ATP13A5: variants seen among roughly 807,000 people sequenced by gnomAD.
ATP13A5 encodes probable cation-transporting ATPase 13A5.
In ATP13A5, 149 loss-of-function variants were observed where a neutral mutation model predicts 150.2. That is an observed-to-expected ratio of 0.99 (90% CI 0.87 to 1.14). ATP13A5 has a LOEUF of 1.14. ATP13A5 is among the 50% of genes most tolerant of loss of function. The pLI is 0.00. For synonymous variants in ATP13A5, 497 were observed against 522.2 expected (o/e 0.95, Z 0.66); for missense variants, 1,383 against 1,449.3 (o/e 0.95, Z 0.74).
intron 9 of ATP13A5, among the ~76,000 whole-genome samples, chr3:193,343,515 A>C (rs902156587): frequency 2.0e-5 from 3 of 152,190 alleles, no homozygotes; most frequent in Admixed American, 6.5e-5. Context: ...GCAGGGTTGG[A>C]TAAAACCTCT....
intron 5 of ATP13A5, among the ~76,000 whole-genome samples, chr3:193,358,346 A>G (rs6777010): frequency 0.43 from 65,323 of 152,054 alleles, 14,898 homozygotes; most frequent in African/African-American, 0.6. Flanking sequence ...TTATAAAGGG[A>G]GGAAGACCTA....
At chr3:193,287,436 A>T (rs1717767257) in intron 26 of ATP13A5, among the ~76,000 whole-genome samples, 1 of 152,120 alleles carries the variant, frequency 6.6e-6, no homozygotes, top group Admixed American at 6.6e-5. Context: ...GCCAATGCTC[A>T]TTTGCTCTTC....
rs1297148934 is a variant in ATP13A5, at chr3:193,330,120, T to C, written c.1461+1003A>G. ...TGGGCCCCTTGTACCCCTGTGCTTG[T>C]CAGCTGCTCAGCTCTGAGCCTGGGG... On this transcript the variant is annotated intron_variant, in intron 12 of 29. Coordinates refer to ENST00000342358, the MANE Select transcript of ATP13A5 (RefSeq NM_198505.4). Among the ~76,000 whole-genome samples the C allele has an allele frequency of 2.0e-5, 3 of 152,162 alleles. No homozygotes were observed. The South Asian group carries it at 6.2e-4, about 32-fold the overall frequency.
At chr3:193,361,943 C>T (rs750375962) in intron 5 of ATP13A5, among the ~76,000 whole-genome samples, 1 of 152,164 alleles carries the variant, frequency 6.6e-6, no homozygotes, top group Non-Finnish European at 1.5e-5. Context: ...GTTCTAGGTA[C>T]TGCAGATATA....
At chr3:193,323,313 GAC>G in intron 14 of ATP13A5, 1 of 152,236 alleles carries the variant, frequency 6.6e-6, no homozygotes, top group African/African-American at 2.4e-5. Flanking sequence ...AGTCTAAAAG[GAC>G]AGTTTCCCTC....
At chr3:193,331,907 G>T (rs1302669700) in intron 11 of ATP13A5, among the ~76,000 whole-genome samples, 1 of 152,090 alleles carries the variant, frequency 6.6e-6, no homozygotes, top group East Asian at 1.9e-4. Flanking sequence ...TTTTCCCAAG[G>T]CCACATACTA....
In ATP13A5 at chr3:193,312,440, T is replaced by C. The variant is rs79037057; in HGVS notation, c.2320-499A>G. On this transcript the variant is annotated intron_variant, in intron 19 of 29. Coordinates refer to ENST00000342358, the MANE Select transcript of ATP13A5 (RefSeq NM_198505.4). ...TTATGACCCCACCTCAACAGGTATC[T>C]CTTTCTATCATGGTTCCCAGATTCT... 3.3e-3 allele frequency among the ~76,000 whole-genome samples: 500 copies of C among 152,290 alleles called. 3 individuals are homozygous for C. The highest frequency in any genetic ancestry group is 0.011 in the African/African-American group (458 of 41,574).
intron 7 of ATP13A5, among the ~76,000 whole-genome samples, chr3:193,349,766 C>T (rs940099622): frequency 3.9e-5 from 6 of 151,920 alleles, no homozygotes; most frequent in African/African-American, 1.5e-4. Flanking sequence ...ACTGATGAAT[C>T]CAGGGGAAAT....
At chr3:193,360,777 A>G (rs1712975724) in intron 5 of ATP13A5, among the ~76,000 whole-genome samples, 1 of 152,140 alleles carries the variant, frequency 6.6e-6, no homozygotes, top group African/African-American at 2.4e-5. Context: ...CCCGGGTCCA[A>G]GCAATTCTCC....
chr3:193,355,929 C>T (rs564771852), intron 5 of ATP13A5, among the ~76,000 whole-genome samples: 45 of 152,262 alleles, frequency 3.0e-4, no homozygotes, highest in Non-Finnish European at 5.3e-4. Flanking sequence ...ATCCGACAAT[C>T]AAGCTTAATG....
At chr3:193,292,923 G>A (rs1207566254) in intron 25 of ATP13A5, among the ~76,000 whole-genome samples, 1 of 152,110 alleles carries the variant, frequency 6.6e-6, no homozygotes, top group Non-Finnish European at 1.5e-5. Context: ...CTGTATACCT[G>A]ATTATAAATA....
At chr3:193,341,848 G>A (rs1300070829) in intron 9 of ATP13A5, among the ~76,000 whole-genome samples, 3 of 152,220 alleles carry the variant, frequency 2.0e-5, no homozygotes, top group Non-Finnish European at 2.9e-5. Flanking sequence ...ATAAGGCTAA[G>A]GAGAGCAGGA....
rs1717376556 is a variant in ATP13A5, at chr3:193,279,380, A to G, written c.3301T>C (p.Tyr1101His). The G allele has an allele frequency of 6.2e-7, 1 of 1,613,566 alleles. No individual in the cohort carries two copies. The highest frequency in any genetic ancestry group is 1.1e-5 in the South Asian group (1 of 91,078). The part of the protein sequence containing the change: ...FILFSDFQVI[Y>H]RGMELIPTIT... ...ATGCCACTTACCTCCATTCCACGGT[A>G]TATAACTTGAAAGTCAGAAAACAGA... is the stretch of plus-strand genomic sequence containing the variant. The change falls in exon 28 of 30, where the codon TAC becomes CAC. Residue 1101 changes from tyrosine to histidine, a missense_variant. Physicochemically the swap from Tyr to His is moderately conservative, Grantham distance 83. Coordinates refer to ENST00000342358, the MANE Select transcript of ATP13A5 (RefSeq NM_198505.4).
intron 5 of ATP13A5, among the ~76,000 whole-genome samples, chr3:193,359,935 G>A (rs929955142): frequency 6.6e-6 from 1 of 152,158 alleles, no homozygotes; most frequent in Non-Finnish European, 1.5e-5. Context: ...GAAGCAGGGT[G>A]GGTGGGCTGA....
chr3:193,352,896 C>T (rs377035493), intron 6 of ATP13A5, among the ~76,000 whole-genome samples: 1 of 151,916 alleles, frequency 6.6e-6, no homozygotes, highest in African/African-American at 2.4e-5. Flanking sequence ...GGGCTCACAT[C>T]ATCAGATTCA....
chr3:193,350,801 T>C (rs1449500349), intron 7 of ATP13A5, among the ~76,000 whole-genome samples: 2 of 152,166 alleles, frequency 1.3e-5, no homozygotes, highest in African/African-American at 4.8e-5. Flanking sequence ...CACAGCATTC[T>C]TTCCCACCAT....
chr3:193,340,058 A>G lies in ATP13A5; in HGVS notation c.943+3869T>C, dbSNP rs1477331484. 2.0e-5 allele frequency among the ~76,000 whole-genome samples: 3 copies of G among 152,312 alleles called. No homozygotes were observed. The East Asian group carries it at 5.8e-4, about 29-fold the overall frequency. On this transcript the variant is annotated intron_variant, in intron 9 of 29. Coordinates refer to ENST00000342358, the MANE Select transcript of ATP13A5 (RefSeq NM_198505.4). The stretch of plus-strand genomic sequence containing the variant: ...GCCTTTCTGGGGAGCCCAAGAAAGG[A>G]TGATTCATCTACAAAAGATGTGGGG...
chr3:193,306,247 G>A (rs938046533), intron 22 of ATP13A5, among the ~76,000 whole-genome samples: 2 of 149,920 alleles, frequency 1.3e-5, no homozygotes, highest in East Asian at 2.0e-4. Flanking sequence ...TCTCTAGTTC[G>A]TATCTCTATT....
At chr3:193,332,040 CTG>C (rs1303970650) in intron 11 of ATP13A5, among the ~76,000 whole-genome samples, 3 of 152,146 alleles carry the variant, frequency 2.0e-5, no homozygotes, top group Non-Finnish European at 2.9e-5. Flanking sequence ...TACGGTTTGG[CTG>C]TGTCCCGACC....
Sources: allele counts gnomAD v4.1 joint callset (sites outside exome capture counted in the v4.1 genomes callset), GRCh38; gene constraint gnomAD v4.1.1; transcripts MANE v1.5; gene names NCBI Gene and HGNC (gene_info 2026-07-23, HGNC 2026-07-21).